BRAF: variants seen among roughly 807,000 people sequenced by gnomAD.
BRAF encodes B-Raf proto-oncogene, serine/threonine kinase.
BRAF carries 16 observed loss-of-function variants against 104.6 expected under a neutral mutation model. The observed-to-expected ratio is 0.15, with a 90% confidence interval of 0.10 to 0.23. BRAF has a LOEUF of 0.23. Ranked by LOEUF, BRAF falls within the 10% of genes least tolerant of loss-of-function variation. The probability of loss-of-function intolerance (pLI) is 1.00; values close to 1 mark genes in which losing one functional copy is unlikely to be tolerated. For missense variants in BRAF, 541 were observed against 937.3 expected (o/e 0.58, Z 5.52); for synonymous variants, 310 against 341.6 (o/e 0.91, Z 1.02).
chr7:140,735,021 A>G (rs563879372), intron 18 of BRAF, among the ~76,000 whole-genome samples: 1 of 152,314 alleles, frequency 6.6e-6, no homozygotes, highest in African/African-American at 2.4e-5. Flanking sequence ...TTAAATGGGG[A>G]GAGTAATTCT....
At chr7:140,845,937 C>T (rs1808495535) in intron 2 of BRAF, among the ~76,000 whole-genome samples, 1 of 152,212 alleles carries the variant, frequency 6.6e-6, no homozygotes, top group East Asian at 1.9e-4. Context: ...CCTTAGCCTC[C>T]CAAAGTGCTG....
intron 1 of BRAF, among the ~76,000 whole-genome samples, chr7:140,923,900 C>T (rs1481191505): frequency 6.6e-6 from 1 of 152,186 alleles, no homozygotes; most frequent in East Asian, 1.9e-4. Context: ...GGTTACCAAT[C>T]AGCGACAGAG....
chr7:140,888,124 C>G (rs184324976), intron 1 of BRAF, among the ~76,000 whole-genome samples: 4 of 152,276 alleles, frequency 2.6e-5, no homozygotes, highest in African/African-American at 9.6e-5. Flanking sequence ...CCGTCTACCT[C>G]GGCCTTCCAA....
At chr7:140,827,681 T>C (rs1368778165) in intron 3 of BRAF, among the ~76,000 whole-genome samples, 3 of 152,154 alleles carry the variant, frequency 2.0e-5, no homozygotes, top group Non-Finnish European at 4.4e-5. Context: ...GATATTCACA[T>C]CCTTTGTTCC....
At chr7:140,893,361 T>C (rs1164594842) in intron 1 of BRAF, among the ~76,000 whole-genome samples, 1 of 151,944 alleles carries the variant, frequency 6.6e-6, no homozygotes, top group East Asian at 1.9e-4. Context: ...ACCATTCTCC[T>C]GCCTCAGCCT....
At chr7:140,753,998 G>A (rs1342171649) in intron 15 of BRAF, 189 bp downstream of exon 14, 1 of 627,336 alleles carries the variant, frequency 1.6e-6, no homozygotes, top group East Asian at 2.8e-5. Flanking sequence ...GTAATGTTCA[G>A]TTGTCGAGAA....
chr7:140,719,918 G>A lies in BRAF; in HGVS notation c.*6576C>T. ...ACAGAAAAGAGGAATGTGTGTGTGA[G>A]TCGCCATAAGGTTTGGAGTGGTGAA... On this transcript the variant is annotated 3_prime_UTR_variant, in exon 20 of 20. Coordinates refer to ENST00000644969, the MANE Select transcript of BRAF (RefSeq NM_001374258.1). The A allele has an allele frequency of 9.4e-7, 1 of 1,062,578 alleles. No homozygotes were observed. 65.8% of individuals were successfully genotyped at this position (1,062,578 alleles called of 1,614,324 possible).
intron 1 of BRAF, among the ~76,000 whole-genome samples, chr7:140,856,103 A>G (rs1809745692): frequency 6.7e-6 from 1 of 149,014 alleles, no homozygotes; most frequent in Admixed American, 6.7e-5. Flanking sequence ...ATATATAAAC[A>G]TATATAATAG....
chr7:140,746,602 G>T (rs1204641668), intron 17 of BRAF, among the ~76,000 whole-genome samples: 1 of 152,072 alleles, frequency 6.6e-6, no homozygotes, highest in Non-Finnish European at 1.5e-5. Flanking sequence ...AGGCTGAGGC[G>T]GGCAGATCAT....
chr7:140,791,364 A>C (rs1801950347), intron 8 of BRAF, among the ~76,000 whole-genome samples: 1 of 152,132 alleles, frequency 6.6e-6, no homozygotes, highest in Non-Finnish European at 1.5e-5. Context: ...AACTGACACC[A>C]ACTACTTTGG....
chr7:140,893,728 G>A lies in BRAF; in HGVS notation c.138+30838C>T, dbSNP rs116798984. Among the ~76,000 whole-genome samples, 1,310 of 152,166 alleles carry A rather than the reference G, an allele frequency of 8.6e-3. 15 individuals are homozygous for A. The highest frequency in any genetic ancestry group is 0.03 in the African/African-American group (1,236 of 41,520). The stretch of plus-strand genomic sequence containing the variant: ...GGGGGATGAGAGAAGAAACATAATA[G>A]GCAAAGACAGATAAACACCAGAAGT... On this transcript the variant is annotated intron_variant, in intron 1 of 19. Coordinates refer to ENST00000644969, the MANE Select transcript of BRAF (RefSeq NM_001374258.1).
chr7:140,882,189 TAAAA>T (rs1442056183), intron 1 of BRAF, among the ~76,000 whole-genome samples: 2 of 152,034 alleles, frequency 1.3e-5, no homozygotes, highest in Admixed American at 1.3e-4. Flanking sequence ...AGTTGTCAAA[TAAAA>T]AAATGTCTAC....
chr7:140,846,851 T>C (rs1282353789), intron 2 of BRAF, among the ~76,000 whole-genome samples: 1 of 152,126 alleles, frequency 6.6e-6, no homozygotes, highest in East Asian at 1.9e-4. Flanking sequence ...TTAGAGTCCA[T>C]TCATAGTATA....
chr7:140,720,000 T>G lies in BRAF; in HGVS notation c.*6494A>C. ...AGGAAGCATCTCCCTTTCCTCTCCC[T>G]TACAGGAGTCATGTCCTCAAACCAA... On this transcript the variant is annotated 3_prime_UTR_variant, in exon 20 of 20. Coordinates refer to ENST00000644969, the MANE Select transcript of BRAF (RefSeq NM_001374258.1). 9.4e-7 allele frequency: 1 copy of G among 1,062,256 alleles called. No individual in the cohort carries two copies. 65.8% of individuals were successfully genotyped at this position (1,062,256 alleles called of 1,614,324 possible).
At chr7:140,832,909 T>C (rs1481372138) in intron 3 of BRAF, among the ~76,000 whole-genome samples, 1 of 151,026 alleles carries the variant, frequency 6.6e-6, no homozygotes, top group Non-Finnish European at 1.5e-5. Context: ...AGTCTCGCTC[T>C]GTTGCCCAGG....
intron 1 of BRAF, among the ~76,000 whole-genome samples, chr7:140,862,633 G>C (rs1271925310): frequency 6.6e-6 from 1 of 152,076 alleles, no homozygotes; most frequent in Non-Finnish European, 1.5e-5. Context: ...GAATTAATTT[G>C]GCATCAGACT....
intron 12 of BRAF, 34 bp downstream of exon 11, chr7:140,781,542 G>T: frequency 6.4e-7 from 1 of 1,553,912 alleles, no homozygotes; most frequent in South Asian, 1.1e-5. Flanking sequence ...ATCCTATTAT[G>T]ACTTGTCACA....
intron 14 of BRAF, among the ~76,000 whole-genome samples, chr7:140,763,471 C>T (rs1486072145): frequency 2.0e-5 from 3 of 152,154 alleles, no homozygotes; most frequent in African/African-American, 7.2e-5. Flanking sequence ...GGCTGACCCC[C>T]CCACCTCCTT....
At chr7:140,893,586 G>T (rs1814522935) in intron 1 of BRAF, among the ~76,000 whole-genome samples, 1 of 151,966 alleles carries the variant, frequency 6.6e-6, no homozygotes, top group Admixed American at 6.5e-5. Flanking sequence ...GGCTCAAATA[G>T]AAGTACTCTA....
Sources: gnomAD v4.1 joint callset for allele counts (sites outside exome capture counted in the v4.1 genomes callset) on GRCh38, gnomAD v4.1.1 for gene constraint, MANE v1.5 for transcripts, NCBI Gene and HGNC (gene_info 2026-07-23, HGNC 2026-07-21) for gene names.